The following LAMA2 variants were observed in gnomAD, a reference collection of about 807,000 sequenced individuals.
LAMA2 encodes laminin subunit alpha 2, also known as laminin subunit alpha-2.
A neutral mutation model predicts 364.8 loss-of-function variants in LAMA2; 269 were observed. The ratio of observed to expected loss-of-function variants is 0.74; its 90% CI spans 0.67 to 0.82. The LOEUF (loss-of-function observed/expected upper bound fraction) is 0.82, where lower values mean the gene tolerates loss of function less well. LAMA2 is among the 40% of genes least tolerant of loss of function. The pLI, the probability that LAMA2 is intolerant of heterozygous loss-of-function variation, is 0.00. For synonymous variants in LAMA2, 1,379 were observed against 1,370.6 expected (o/e 1.01, Z -0.14); for missense variants, 3,807 against 3,873.2 (o/e 0.98, Z 0.45).
intron 4 of LAMA2, among the ~76,000 whole-genome samples, chr6:129,131,354 A>G (rs1344947927): frequency 6.6e-6 from 1 of 152,200 alleles, no homozygotes; most frequent in Non-Finnish European, 1.5e-5. Context: ...TCTTAATATT[A>G]GCTATCCTGC....
intron 51 of LAMA2, among the ~76,000 whole-genome samples, chr6:129,472,517 A>G (rs1284572749): frequency 1.3e-5 from 2 of 151,988 alleles, no homozygotes; most frequent in African/African-American, 4.8e-5. Flanking sequence ...CAGTTTGAAC[A>G]GAGAAGTGCC....
chr6:129,312,328 C>T (rs1011782311), intron 22 of LAMA2, among the ~76,000 whole-genome samples: 1 of 152,196 alleles, frequency 6.6e-6, no homozygotes, highest in Non-Finnish European at 1.5e-5. Flanking sequence ...TGTTACTTCT[C>T]TTCAAGCTCT....
intron 9 of LAMA2, among the ~76,000 whole-genome samples, chr6:129,172,176 G>T (rs1290691777): frequency 6.6e-6 from 1 of 152,068 alleles, no homozygotes; most frequent in East Asian, 1.9e-4. Context: ...CTCTCAGCTC[G>T]TCAAAGTCGT....
intron 1 of LAMA2, among the ~76,000 whole-genome samples, chr6:129,031,642 G>A (rs931488293): frequency 2.6e-5 from 4 of 152,196 alleles, no homozygotes; most frequent in Admixed American, 2.6e-4. Context: ...AGTCTTTGAT[G>A]CTAACATTAT....
At chr6:128,924,445 T>C (rs1286541431) in intron 1 of LAMA2, among the ~76,000 whole-genome samples, 36 of 152,208 alleles carry the variant, frequency 2.4e-4, no homozygotes, top group Non-Finnish European at 7.3e-5. Context: ...AGGAGAAATT[T>C]TCCAGGTAAG....
chr6:129,147,544 A>T (rs1011515710), intron 6 of LAMA2, among the ~76,000 whole-genome samples: 1 of 151,978 alleles, frequency 6.6e-6, no homozygotes, highest in African/African-American at 2.4e-5. Context: ...GAGTACTGAT[A>T]GTGGCAAGCC....
chr6:128,987,886 G>C (rs946571650), intron 1 of LAMA2, among the ~76,000 whole-genome samples: 1 of 151,998 alleles, frequency 6.6e-6, no homozygotes, highest in African/African-American at 2.4e-5. Context: ...TTTTTTGTTT[G>C]TTTCTTTGAG....
At position 129,320,229 on chromosome 6, in the gene LAMA2, T is replaced by C. The variant is rs12208367; in HGVS notation, c.4059-309T>C. On this transcript the variant is annotated intron_variant, in intron 27 of 64. Transcript: ENST00000421865. Reference sequence around the variant, plus strand: ...TGGAAGTGGATCATTGTAAAGGTCTTCATCCTCGTTGTCTTCATTTTGAGC... The same window carrying C: ...TGGAAGTGGATCATTGTAAAGGTCTCCATCCTCGTTGTCTTCATTTTGAGC... Among the ~76,000 whole-genome samples the C allele has an allele frequency of 0.093, 14,188 of 152,088 alleles. 1,214 individuals are homozygous for C. The highest frequency in any genetic ancestry group is 0.43 in the East Asian group (2,221 of 5,148).
At chr6:128,922,238 G>A (rs1223843017) in intron 1 of LAMA2, among the ~76,000 whole-genome samples, 25 of 151,058 alleles carry the variant, frequency 1.7e-4, no homozygotes, top group Middle Eastern at 3.5e-3. Context: ...TGGGATGGCT[G>A]GGTCAAATGG....
At chr6:129,172,764 C>T (rs561731645) in intron 9 of LAMA2, among the ~76,000 whole-genome samples, 5 of 152,342 alleles carry the variant, frequency 3.3e-5, no homozygotes, top group Admixed American at 3.3e-4. Flanking sequence ...GGCGCCCCTC[C>T]CCCAGCCTCG....
chr6:129,199,465 C>T (rs1782045366), intron 12 of LAMA2, among the ~76,000 whole-genome samples: 1 of 152,086 alleles, frequency 6.6e-6, no homozygotes, highest in Non-Finnish European at 1.5e-5. Flanking sequence ...ACGACTCCCA[C>T]TTAACATTGT....
At position 129,059,699 on chromosome 6, in the gene LAMA2, A is replaced by ATGG. The variant is rs1562200446; in HGVS notation, c.284-84_284-83insGGT. 4.9e-6 allele frequency: 4 copies of ATGG among 814,826 alleles called. No homozygotes were observed. In the African/African-American group the frequency reaches 6.9e-5, roughly 14 times the overall value. The allele number at this position is 814,826 out of a possible 1,614,324, so 50.5% of individuals were successfully genotyped here. On this transcript the variant is annotated intron_variant, in intron 2 of 64. Coordinates refer to ENST00000421865, the MANE Select transcript of LAMA2 (RefSeq NM_000426.4). ...TATTCACATGATGGTTGTTTTAACC[A>ATGG]TTTTTTTTTACTTTAAAGAAAAAGC...
At chr6:129,177,563 GTTTTAAC>G (rs1780670560) in intron 9 of LAMA2, 136 bp from the exon 10 acceptor site, 3 of 783,380 alleles carry the variant, frequency 3.8e-6, no homozygotes, top group Non-Finnish European at 6.2e-6. Flanking sequence ...CTACTCTTTG[GTTTTAAC>G]TTTTCTTTAT....
intron 1 of LAMA2, among the ~76,000 whole-genome samples, chr6:128,988,456 G>T (rs1050948215): frequency 7.2e-5 from 11 of 152,144 alleles, no homozygotes; most frequent in African/African-American, 2.4e-4. Flanking sequence ...TTTACTAAGG[G>T]TGTTTGGGTT....
At chr6:129,511,519 G>GTCTT (rs1786573988) in intron 62 of LAMA2, among the ~76,000 whole-genome samples, 2 of 152,110 alleles carry the variant, frequency 1.3e-5, no homozygotes, top group South Asian at 4.1e-4. Context: ...TAGAACAAAA[G>GTCTT]TCTTTCATGT....
At chr6:129,491,614 C>T (rs1784867387) in intron 56 of LAMA2, among the ~76,000 whole-genome samples, 1 of 152,242 alleles carries the variant, frequency 6.6e-6, no homozygotes, top group South Asian at 2.1e-4. Context: ...TCAGTTCTCA[C>T]AGGCTCATGT....
At chr6:128,883,493 G>A in intron 1 of LAMA2, 136 bp downstream of exon 1, 5 of 1,429,734 alleles carry the variant, frequency 3.5e-6, no homozygotes, top group Non-Finnish European at 4.8e-6. Flanking sequence ...GGGGCAAGAG[G>A]AACTTGAAGC....
chr6:129,065,879 G>T (rs1193556612), intron 3 of LAMA2, among the ~76,000 whole-genome samples: 1 of 151,780 alleles, frequency 6.6e-6, no homozygotes, highest in Non-Finnish European at 1.5e-5. Context: ...TTTATCAGGG[G>T]TTTCCGCTTT....
intron 1 of LAMA2, among the ~76,000 whole-genome samples, chr6:129,022,755 T>G (rs1259026891): frequency 6.6e-6 from 1 of 152,168 alleles, no homozygotes; most frequent in Non-Finnish European, 1.5e-5. Context: ...CGACACAACT[T>G]TCTATTTAAA....
Sources: allele counts gnomAD v4.1 joint callset (sites outside exome capture counted in the v4.1 genomes callset), GRCh38; gene constraint gnomAD v4.1.1; transcripts MANE v1.5; gene names NCBI Gene and HGNC (gene_info 2026-07-23, HGNC 2026-07-21).